Variants in ZNF260 observed in about 807,000 individuals in gnomAD.
ZNF260 encodes the protein zfp-260.
Under a neutral mutation model 29.3 loss-of-function variants are expected in ZNF260, and 21 were observed. The ratio of observed to expected loss-of-function variants is 0.72; its 90% confidence interval spans 0.51 to 1.03. The LOEUF is 1.03. ZNF260 is among the 50% of genes least tolerant of loss of function. ZNF260 has a pLI of 0.00. For synonymous variants in ZNF260, 156 were observed against 156.8 expected (o/e 0.99, Z 0.04); for missense variants, 465 against 487.8 (o/e 0.95, Z 0.44).
At chr19:36,520,901 G>A (rs928258986) in intron 2 of ZNF260, among the ~76,000 whole-genome samples, 9 of 145,440 alleles carry the variant, frequency 6.2e-5, no homozygotes, top group Non-Finnish European at 8.9e-5. Flanking sequence ...GGCCAACACC[G>A]TGAGACCCTG....
chr19:36,520,932 A>C (rs184384659), intron 2 of ZNF260, among the ~76,000 whole-genome samples: 1 of 151,522 alleles, frequency 6.6e-6, no homozygotes, highest in East Asian at 1.9e-4. Flanking sequence ...CAATTTAAAA[A>C]TTAGGTGGGC....
Position 36,514,389 on chromosome 19 carries a change from T to C in ZNF260, c.850A>G (p.Ile284Val), listed in dbSNP as rs892776872. ...KPYKCNECGT[I>V]FRQKQYLIKH... ...ATGAGGTATTGCTTCTGCCTGAAGA[T>C]TGTTCCACATTCATTACATTTGTAG... is the stretch of plus-strand genomic sequence containing the variant. The change falls in exon 3 of 3, where the codon ATC becomes GTC. Residue 284 changes from isoleucine (I) to valine (V), a missense_variant. Physicochemically the swap from Ile to Val is conservative, Grantham distance 29. Transcript: ENST00000523638. 1 of 1,613,316 alleles carries C rather than the reference T, an allele frequency of 6.2e-7. No individual in the cohort carries two copies. Among genetic ancestry groups the C allele is most frequent in the African/African-American group, 1.3e-5 (1 of 74,868 alleles).
intron 2 of ZNF260, among the ~76,000 whole-genome samples, chr19:36,520,198 C>CAAA (rs11327751): frequency 1.5e-4 from 13 of 89,642 alleles, no homozygotes; most frequent in East Asian, 3.5e-4. Context: ...GACTCTGTCT[C>CAAA]AAAAAAAAAA....
chr19:36,513,438 T>C lies in ZNF260; in HGVS notation c.*562A>G. ...ATATTATGATGGGAGATATTATTTT[T>C]CCATATGAAGAGTCAATTAATTTTT... On this transcript the variant is annotated 3_prime_UTR_variant, in exon 3 of 3. Coordinates refer to ENST00000523638, the MANE Select transcript of ZNF260 (RefSeq NM_001166037.2). The C allele has an allele frequency of 3.7e-6, 1 of 273,030 alleles. No homozygotes were observed. Among genetic ancestry groups the C allele is most frequent in the Non-Finnish European group, 6.7e-6 (1 of 148,320 alleles). 16.9% of individuals were successfully genotyped at this position (273,030 alleles called of 1,614,324 possible). A position where few individuals can be genotyped will look rare whatever the true frequency, so the allele number is the denominator to read the frequency against.
intron 2 of ZNF260, among the ~76,000 whole-genome samples, chr19:36,521,091 A>AAAAG (rs1041128359): frequency 6.6e-6 from 1 of 151,788 alleles, no homozygotes; most frequent in Non-Finnish European, 1.5e-5. Context: ...AAAAAAAAAA[A>AAAAG]AAAGAAAGAA....
In ZNF260 at chr19:36,512,198, T is replaced by C. The variant is rs574087733; in HGVS notation, c.*1802A>G. 1 of 152,256 alleles carries C rather than the reference T, an allele frequency of 6.6e-6. No homozygotes were observed. The highest frequency in any genetic ancestry group is 6.5e-5 in the Admixed American group (1 of 15,276). 9.4% of individuals were successfully genotyped at this position (152,256 alleles called of 1,614,324 possible). A position where few individuals can be genotyped will look rare whatever the true frequency, so the allele number is the denominator to read the frequency against. On this transcript the variant is annotated 3_prime_UTR_variant, in exon 3 of 3. Transcript: ENST00000523638. ...TGAGTTATTTTAATTGAATTTAAGT[T>C]GCCACCCCAATTAAAAATTATTTCA...
intron 2 of ZNF260, among the ~76,000 whole-genome samples, chr19:36,524,534 T>TTTTTTTTTTTTTTTTTTTTTA (rs1555779912): frequency 1.6e-5 from 2 of 125,964 alleles, no homozygotes; most frequent in African/African-American, 5.8e-5. Context: ...TTTTTTTTTT[T>TTTTTTTTTTTTTTTTTTTTTA]ATTGATCATT....
At chr19:36,519,748 C>T (rs112452080) in intron 2 of ZNF260, among the ~76,000 whole-genome samples, 2,031 of 152,126 alleles carry the variant, frequency 0.013, 51 homozygotes, top group African/African-American at 0.046. Flanking sequence ...AAAACAAAAC[C>T]TTTCACTTGT....
intron 2 of ZNF260, among the ~76,000 whole-genome samples, chr19:36,522,956 A>G (rs779412675): frequency 7.9e-5 from 12 of 152,178 alleles, no homozygotes; most frequent in Non-Finnish European, 1.5e-4. Flanking sequence ...TTTACATATC[A>G]TGAATCTGAG....
At chr19:36,517,067 G>A (rs2145744563) in intron 2 of ZNF260, among the ~76,000 whole-genome samples, 1 of 152,238 alleles carries the variant, frequency 6.6e-6, no homozygotes, top group East Asian at 1.9e-4. Context: ...GGACACATAA[G>A]AACTAAACGG....
chr19:36,526,416 C>G (rs750158657), intron 1 of ZNF260, among the ~76,000 whole-genome samples: 38 of 151,994 alleles, frequency 2.5e-4, no homozygotes, highest in Non-Finnish European at 4.9e-4. Context: ...TGGCACACAC[C>G]TGTACCTCAG....
chr19:36,524,162 ATTAAT>A (rs2034689521), intron 2 of ZNF260, among the ~76,000 whole-genome samples: 2 of 151,924 alleles, frequency 1.3e-5, no homozygotes, highest in Admixed American at 1.3e-4. Flanking sequence ...ACATAGAATG[ATTAAT>A]TTATTTTATT....
chr19:36,525,683 AG>A (rs1568556180), intron 1 of ZNF260, among the ~76,000 whole-genome samples: 1 of 151,316 alleles, frequency 6.6e-6, no homozygotes, highest in East Asian at 2.0e-4. Context: ...GCTACTCAGG[AG>A]GCTGAGGCAA....
chr19:36,516,033 G>C (rs1021065443), intron 2 of ZNF260, among the ~76,000 whole-genome samples: 2 of 151,908 alleles, frequency 1.3e-5, no homozygotes, highest in Non-Finnish European at 2.9e-5. Flanking sequence ...CACCATGCCT[G>C]GCTAATTTTT....
intron 2 of ZNF260, among the ~76,000 whole-genome samples, chr19:36,516,301 TGA>T (rs2034548740): frequency 6.6e-6 from 1 of 152,082 alleles, no homozygotes. Context: ...ATCAGTAAAA[TGA>T]GAGAAAATAA....
chr19:36,519,472 C>G (rs2034605709), intron 2 of ZNF260, among the ~76,000 whole-genome samples: 1 of 152,076 alleles, frequency 6.6e-6, no homozygotes, highest in African/African-American at 2.4e-5. Flanking sequence ...CCGTTAGTAA[C>G]TGAGAAAACA....
chr19:36,515,043 G>A lies in ZNF260; in HGVS notation c.196C>T (p.Arg66Ter), dbSNP rs139265642. ...ECTECGKVCS[R>*]VSSLTLHLRS... Reference sequence around the variant, plus strand: ...AGGTGTAGAGTAAGAGATGAGACTCGAGAGCACACTTTACCACATTCAGTG... The same window carrying A: ...AGGTGTAGAGTAAGAGATGAGACTCAAGAGCACACTTTACCACATTCAGTG... The change falls in exon 3 of 3, where the codon CGA becomes TGA. Residue 66 changes from arginine (R) to a stop codon, truncating the protein, a stop_gained. Transcript: ENST00000523638. LOFTEE classifies it high-confidence loss of function. 11 of 1,613,916 alleles carry A rather than the reference G, an allele frequency of 6.8e-6. No individual in the cohort carries two copies. Among genetic ancestry groups the A allele is most frequent in the Middle Eastern group, 1.6e-4 (1 of 6,082 alleles).
chr19:36,522,799 T>C (rs1488867884), intron 2 of ZNF260, among the ~76,000 whole-genome samples: 1 of 152,204 alleles, frequency 6.6e-6, no homozygotes, highest in Non-Finnish European at 1.5e-5. Context: ...TCAGGGACCA[T>C]AAGCACCAAA....
At position 36,528,055 on chromosome 19, in the gene ZNF260, T is replaced by A. The variant is rs2034765212; in HGVS notation, c.-681+164A>T. Among the ~76,000 whole-genome samples, 10 of 144,088 alleles carry A rather than the reference T, an allele frequency of 6.9e-5. No individual in the cohort carries two copies. The East Asian group carries it at 9.5e-4, about 14-fold the overall frequency. The allele number at this position is 144,088 out of a possible 152,430, so 94.5% of individuals were successfully genotyped here. On this transcript the variant is annotated intron_variant, in intron 1 of 2. Coordinates refer to ENST00000523638, the MANE Select transcript of ZNF260 (RefSeq NM_001166037.2). The stretch of plus-strand genomic sequence containing the variant: ...CGCGAACCCACCCGAACTGTACCCC[T>A]GCCCCCAGCCACACAAGCTCGGATC...
Sources: allele counts gnomAD v4.1 joint callset (sites outside exome capture counted in the v4.1 genomes callset), GRCh38; gene constraint gnomAD v4.1.1; transcripts MANE v1.5; gene names NCBI Gene and HGNC (gene_info 2026-07-23, HGNC 2026-07-21).